KCNH7: variants seen among roughly 807,000 people sequenced by gnomAD.
KCNH7 encodes voltage-gated inwardly rectifying potassium channel KCNH7.
Under a neutral mutation model 120.8 loss-of-function variants are expected in KCNH7, and 49 were observed. That is an observed-to-expected ratio of 0.41 (90% CI 0.32 to 0.51). The LOEUF is 0.51. KCNH7 is among the 20% of genes least tolerant of loss of function. The pLI, the probability that KCNH7 is intolerant of heterozygous loss-of-function variation, is 0.38. For synonymous variants in KCNH7, 547 were observed against 516.1 expected, an observed-to-expected ratio of 1.06 and a Z score of -0.81; for missense variants, 1,097 against 1,446.6, an observed-to-expected ratio of 0.76 and a Z score of 3.92.
intron 7 of KCNH7, among the ~76,000 whole-genome samples, chr2:162,443,377 A>G (rs1408777652): frequency 1.3e-5 from 2 of 152,106 alleles, no homozygotes; most frequent in African/African-American, 2.4e-5. Flanking sequence ...CCCACAACAC[A>G]CTTTTTCTCC....
chr2:162,454,745 T>G (rs1460359405), intron 6 of KCNH7, among the ~76,000 whole-genome samples: 1 of 152,058 alleles, frequency 6.6e-6, no homozygotes, highest in Non-Finnish European at 1.5e-5. Context: ...GCTTGTGTAT[T>G]GTTGGTGTAC....
At chr2:162,701,186 T>G (rs988246064) in intron 2 of KCNH7, among the ~76,000 whole-genome samples, 1 of 152,182 alleles carries the variant, frequency 6.6e-6, no homozygotes, top group Non-Finnish European at 1.5e-5. Flanking sequence ...TTTTCAATAT[T>G]GTCAGATATA....
At chr2:162,738,040 G>A (rs968190525) in intron 2 of KCNH7, among the ~76,000 whole-genome samples, 1 of 148,468 alleles carries the variant, frequency 6.7e-6, no homozygotes, top group African/African-American at 2.5e-5. Context: ...CTCCAGCCTG[G>A]GCGGCAGAGA....
At chr2:162,792,289 T>C (rs1683976529) in intron 2 of KCNH7, among the ~76,000 whole-genome samples, 1 of 152,124 alleles carries the variant, frequency 6.6e-6, no homozygotes, top group Admixed American at 6.6e-5. Flanking sequence ...ACAATGATAC[T>C]GGGTCATAGA....
chr2:162,780,209 C>CA (rs1275072745), intron 2 of KCNH7, among the ~76,000 whole-genome samples: 2 of 152,218 alleles, frequency 1.3e-5, no homozygotes, highest in Admixed American at 6.5e-5. Flanking sequence ...TTTTCCTCCA[C>CA]AAAAAAACTG....
chr2:162,753,020 AAAG>A (rs1189443461), intron 2 of KCNH7, among the ~76,000 whole-genome samples: 30 of 147,534 alleles, frequency 2.0e-4, no homozygotes, highest in African/African-American at 7.3e-4. Context: ...AAAGAAAAGA[AAAG>A]AAAAGAAACC....
intron 2 of KCNH7, among the ~76,000 whole-genome samples, chr2:162,669,380 A>G (rs1316262118): frequency 6.6e-6 from 1 of 152,222 alleles, no homozygotes; most frequent in East Asian, 1.9e-4. Flanking sequence ...CAAAGGAATA[A>G]TAGTATTTCA....
At chr2:162,392,890 G>GAA (rs59378335) in intron 12 of KCNH7, among the ~76,000 whole-genome samples, 3 of 149,430 alleles carry the variant, frequency 2.0e-5, no homozygotes, top group African/African-American at 7.4e-5. Flanking sequence ...GCTGCATTTA[G>GAA]AAAAAAAAAA....
At chr2:162,833,981 ATACAGT>A (rs1486406689) in intron 2 of KCNH7, among the ~76,000 whole-genome samples, 1 of 152,174 alleles carries the variant, frequency 6.6e-6, no homozygotes, top group Non-Finnish European at 1.5e-5. Context: ...CATTTACTGT[ATACAGT>A]TAAGAAATCA....
At chr2:162,587,272 T>C (rs1694051494) in intron 2 of KCNH7, among the ~76,000 whole-genome samples, 1 of 152,150 alleles carries the variant, frequency 6.6e-6, no homozygotes, top group African/African-American at 2.4e-5. Flanking sequence ...GTTCAGATAT[T>C]ATTTTTCTGG....
chr2:162,654,025 C>G (rs960430164), intron 2 of KCNH7, among the ~76,000 whole-genome samples: 2 of 151,614 alleles, frequency 1.3e-5, no homozygotes, highest in African/African-American at 2.4e-5. Context: ...GTTCTAAGAT[C>G]TGGAACTCTA....
At chr2:162,733,403 G>A (rs1687796335) in intron 2 of KCNH7, among the ~76,000 whole-genome samples, 1 of 152,142 alleles carries the variant, frequency 6.6e-6, no homozygotes, top group Non-Finnish European at 1.5e-5. Context: ...ACTTGCTTTG[G>A]CTAATGAACT....
At chr2:162,454,613 C>A (rs1048281619) in intron 6 of KCNH7, among the ~76,000 whole-genome samples, 2 of 151,986 alleles carry the variant, frequency 1.3e-5, no homozygotes, top group African/African-American at 4.8e-5. Context: ...TTGTTTGTGT[C>A]CTCTCTTATT....
At chr2:162,746,230 C>T (rs1209701682) in intron 2 of KCNH7, among the ~76,000 whole-genome samples, 1 of 151,888 alleles carries the variant, frequency 6.6e-6, no homozygotes, top group African/African-American at 2.4e-5. Flanking sequence ...TTAATAATTA[C>T]AAAATTCACT....
At chr2:162,640,369 T>C (rs1684107749) in intron 2 of KCNH7, among the ~76,000 whole-genome samples, 1 of 152,062 alleles carries the variant, frequency 6.6e-6, no homozygotes, top group South Asian at 2.1e-4. Context: ...CCATGGAATA[T>C]AACACAGTAC....
intron 2 of KCNH7, among the ~76,000 whole-genome samples, chr2:162,624,889 G>GT (rs66562676): frequency 0.05 from 3,466 of 69,702 alleles, 70 homozygotes; most frequent in Non-Finnish European, 0.061. Context: ...TGCACTCTTG[G>GT]TTTTTTTTTT....
At chr2:162,785,752 T>C (rs1000321828) in intron 2 of KCNH7, among the ~76,000 whole-genome samples, 2 of 152,190 alleles carry the variant, frequency 1.3e-5, no homozygotes, top group African/African-American at 4.8e-5. Context: ...TTTGTTTTTG[T>C]TGTTGTTGCT....
intron 2 of KCNH7, among the ~76,000 whole-genome samples, chr2:162,550,358 T>A (rs114100080): frequency 7.3e-4 from 111 of 152,290 alleles, no homozygotes; most frequent in African/African-American, 2.6e-3. Flanking sequence ...TACACGGATT[T>A]CCTTATTTTC....
intron 2 of KCNH7, among the ~76,000 whole-genome samples, chr2:162,676,863 T>C (rs745987427): frequency 6.6e-6 from 1 of 151,508 alleles, no homozygotes; most frequent in Non-Finnish European, 1.5e-5. Flanking sequence ...TTTGCATGCT[T>C]AATGCTTCCC....
Sources: gnomAD v4.1 joint callset for allele counts (sites outside exome capture counted in the v4.1 genomes callset) on GRCh38, gnomAD v4.1.1 for gene constraint, MANE v1.5 for transcripts, NCBI Gene and HGNC (gene_info 2026-07-23, HGNC 2026-07-21) for gene names.